The following CACNG8 variants were observed in gnomAD, a reference collection of about 807,000 sequenced individuals.
The protein encoded by CACNG8 is voltage-dependent calcium channel gamma-8 subunit.
Under a neutral mutation model 26.9 loss-of-function variants are expected in CACNG8, and 5 were observed. The ratio of observed to expected loss-of-function variants is 0.19; its 90% CI spans 0.10 to 0.39. The LOEUF is 0.39. Ranked by LOEUF, CACNG8 falls within the 10% of genes least tolerant of loss-of-function variation. CACNG8 has a pLI of 1.00. For missense variants in CACNG8, 473 were observed against 609.4 expected (o/e 0.78, Z 2.36); for synonymous variants, 321 against 296.7 (o/e 1.08, Z -0.84).
chr19:53,986,413 A>G lies in CACNG8; in HGVS notation c.*3564A>G, dbSNP rs2069408428. The G allele has an allele frequency of 6.6e-6, 1 of 152,206 alleles. No individual in the cohort carries two copies. Among genetic ancestry groups the G allele is most frequent in the African/African-American group, 2.4e-5 (1 of 41,448 alleles). The allele number at this position is 152,206 out of a possible 1,614,324, so 9.4% of individuals were successfully genotyped here. A position where few individuals can be genotyped will look rare whatever the true frequency, so the allele number is the denominator to read the frequency against. On this transcript the variant is annotated 3_prime_UTR_variant, in exon 4 of 4. Coordinates refer to ENST00000270458, the MANE Select transcript of CACNG8 (RefSeq NM_031895.6). Reference sequence around the variant, plus strand: ...ACACTGGAGAGATAAACAATAAATAATATCATTTCAGTAACCAAAAAGTGC... The same window carrying G: ...ACACTGGAGAGATAAACAATAAATAGTATCATTTCAGTAACCAAAAAGTGC...
rs1207923728 is a variant in CACNG8, at chr19:53,982,770, C to T, written c.1199C>T (p.Ala400Val). 84 of 1,273,390 alleles carry T rather than the reference C, an allele frequency of 6.6e-5. No individual in the cohort carries two copies. Among genetic ancestry groups the T allele is most frequent in the Non-Finnish European group, 8.0e-5 (81 of 1,008,514 alleles). The allele number at this position is 1,273,390 out of a possible 1,614,324, so 78.9% of individuals were successfully genotyped here. Reference sequence around the variant, plus strand: ...GCGCCCGCGCCACCCGCGCCCTCTGCGCCCGCCCCCGGGACCCTGGCCAAG... The same window carrying T: ...GCGCCCGCGCCACCCGCGCCCTCTGTGCCCGCCCCCGGGACCCTGGCCAAG... The change falls in exon 4 of 4, where the codon GCG (alanine) becomes GTG (valine). Residue 400 changes from alanine (A) to valine (V), a missense_variant. Around this residue, in one of 6 missense-constraint regions of CACNG8, gnomAD observed 212 missense variants for 214.4 expected, o/e 0.99. Coordinates refer to ENST00000270458, the MANE Select transcript of CACNG8 (RefSeq NM_031895.6). The surrounding 1 kb of genome is among the most constrained non-coding windows in gnomAD (Gnocchi z 8.4).
At chr19:53,968,951 T>G (rs1207133737) in intron 1 of CACNG8, among the ~76,000 whole-genome samples, 1 of 152,010 alleles carries the variant, frequency 6.6e-6, no homozygotes, top group East Asian at 1.9e-4. Flanking sequence ...GTCATTCATT[T>G]GTCACTGAAT....
Position 53,982,926 on chromosome 19 carries a change from G to T in CACNG8, c.*77G>T. On this transcript the variant is annotated 3_prime_UTR_variant, in exon 4 of 4. Transcript: ENST00000270458. The surrounding 1 kb of genome is among the most constrained non-coding windows in gnomAD (Gnocchi z 8.4). ...CGTGCATCGAGGCTGCCGGGGTCGG[G>T]GGCGCCCCCGCTTTCCCCCGTGAGC... The T allele has an allele frequency of 9.7e-7, 1 of 1,027,446 alleles. No homozygotes were observed. Among genetic ancestry groups the T allele is most frequent in the South Asian group, 4.0e-5 (1 of 25,056 alleles). The allele number at this position is 1,027,446 out of a possible 1,614,324, so 63.6% of individuals were successfully genotyped here. A position where few individuals can be genotyped will look rare whatever the true frequency, so the allele number is the denominator to read the frequency against.
chr19:53,974,131 C>T (rs186258862), intron 1 of CACNG8, among the ~76,000 whole-genome samples: 24 of 152,292 alleles, frequency 1.6e-4, no homozygotes, highest in Admixed American at 8.5e-4. Flanking sequence ...ACCCTCCAGC[C>T]CTGGCAACTA....
chr19:53,969,106 C>T (rs8101194), intron 1 of CACNG8, among the ~76,000 whole-genome samples: 28 of 152,202 alleles, frequency 1.8e-4, no homozygotes, highest in Non-Finnish European at 3.4e-4. Flanking sequence ...CGGGTTCAAG[C>T]AATTCTCCCG....
intron 1 of CACNG8, among the ~76,000 whole-genome samples, chr19:53,975,025 T>C (rs79183883): frequency 0.045 from 6,850 of 151,374 alleles, 405 homozygotes; most frequent in East Asian, 0.23. Flanking sequence ...CTTGGCTCAC[T>C]GCAACCTCCA....
In CACNG8 at chr19:53,982,955, C is replaced by A; in HGVS notation, c.*106C>A. On this transcript the variant is annotated 3_prime_UTR_variant, in exon 4 of 4. Coordinates refer to ENST00000270458, the MANE Select transcript of CACNG8 (RefSeq NM_031895.6). This position sits in a 1 kb window ranked among gnomAD's most constrained non-coding sequence, Gnocchi z 8.4. ...GCCCCCGCTTTCCCCCGTGAGCGCG[C>A]TGGAGACTGCTGGGCCCGCCCCACG... is the stretch of plus-strand genomic sequence containing the variant. The A allele has an allele frequency of 2.9e-6, 2 of 699,288 alleles. No homozygotes were observed. The highest frequency in any genetic ancestry group is 3.8e-6 in the Non-Finnish European group (2 of 527,526). The allele number at this position is 699,288 out of a possible 1,614,324, so 43.3% of individuals were successfully genotyped here.
intron 1 of CACNG8, among the ~76,000 whole-genome samples, chr19:53,975,534 C>G (rs187858606): frequency 6.6e-6 from 1 of 152,244 alleles, no homozygotes; most frequent in East Asian, 1.9e-4. Flanking sequence ...CGTATGCCCC[C>G]ACACCCGGCT....
chr19:53,963,310 C>A lies in CACNG8; in HGVS notation c.168C>A (p.Asn56Lys). The A allele has an allele frequency of 6.2e-7, 1 of 1,606,426 alleles. No homozygotes were observed. Among genetic ancestry groups the A allele is most frequent in the Non-Finnish European group, 8.5e-7 (1 of 1,178,796 alleles). ...GCGCCCTCATCTGCAACACCACCAA[C>A]CTCACGGCCGGCGGCGACGACGGGA... Residue 56 changes from asparagine to lysine, a missense_variant, in exon 1 of 4, where the codon AAC becomes AAA. By Grantham distance (94) the Asn-to-Lys change is moderately conservative. Around this residue, in one of 6 missense-constraint regions of CACNG8, gnomAD observed 69 missense variants for 66.7 expected, o/e 1.03. Transcript: ENST00000270458.
At chr19:53,966,103 A>T (rs2069271249) in intron 1 of CACNG8, among the ~76,000 whole-genome samples, 2 of 151,860 alleles carry the variant, frequency 1.3e-5, no homozygotes, top group Admixed American at 1.3e-4. Flanking sequence ...TTATTTATTT[A>T]TTGAAACAGA....
chr19:53,963,318 C>CCGG lies in CACNG8; in HGVS notation c.182_184dup (p.Gly61dup). The CCGG allele has an allele frequency of 6.2e-7, 1 of 1,604,092 alleles. No individual in the cohort carries two copies. The highest frequency in any genetic ancestry group is 8.5e-7 in the Non-Finnish European group (1 of 1,178,326). On this transcript the variant is annotated inframe_insertion, in exon 1 of 4. Transcript: ENST00000270458. ...ATCTGCAACACCACCAACCTCACGGCCGGCGGCGACGACGGGACCCCCCAC... is the reference window on the plus strand; with the variant it reads ...ATCTGCAACACCACCAACCTCACGGCCGGCGGCGGCGACGACGGGACCCCCCAC...
At chr19:53,967,672 T>C (rs1361174656) in intron 1 of CACNG8, among the ~76,000 whole-genome samples, 1 of 151,828 alleles carries the variant, frequency 6.6e-6, no homozygotes, top group Non-Finnish European at 1.5e-5. Context: ...TGGTCTCCAC[T>C]AAAAATACGA....
chr19:53,987,526 G>A lies in CACNG8; in HGVS notation c.*4677G>A, dbSNP rs2069414744. The A allele has an allele frequency of 6.5e-6, 1 of 152,734 alleles. No homozygotes were observed. Among genetic ancestry groups the A allele is most frequent in the South Asian group, 2.1e-4 (1 of 4,832 alleles). 9.5% of individuals were successfully genotyped at this position (152,734 alleles called of 1,614,324 possible). A position where few individuals can be genotyped will look rare whatever the true frequency, so the allele number is the denominator to read the frequency against. The stretch of plus-strand genomic sequence containing the variant: ...AGGTGGAGTTAGTGGGATGGAGGAA[G>A]TGGAAGAAGGCATGGGATTTTGGAG... On this transcript the variant is annotated 3_prime_UTR_variant, in exon 4 of 4. Transcript: ENST00000270458.
rs1248381760 is a variant in CACNG8 at position 53,983,077 on chromosome 19, T to G, written c.*228T>G. The stretch of plus-strand genomic sequence containing the variant: ...GCTGTGAGGGAGCGTCGTGTTTTAT[T>G]TTTTTGGGGGATCTATGGGGAGGGG... On this transcript the variant is annotated 3_prime_UTR_variant, in exon 4 of 4. Coordinates refer to ENST00000270458, the MANE Select transcript of CACNG8 (RefSeq NM_031895.6). 5.1e-5 allele frequency: 9 copies of G among 177,430 alleles called. No individual in the cohort carries two copies. Among genetic ancestry groups the G allele is most frequent in the Non-Finnish European group, 1.0e-4 (9 of 88,584 alleles). 11.0% of individuals were successfully genotyped at this position (177,430 alleles called of 1,614,324 possible). A position where few individuals can be genotyped will look rare whatever the true frequency, so the allele number is the denominator to read the frequency against.
At chr19:53,975,563 A>G (rs2069326313) in intron 1 of CACNG8, among the ~76,000 whole-genome samples, 1 of 151,982 alleles carries the variant, frequency 6.6e-6, no homozygotes, top group African/African-American at 2.4e-5. Flanking sequence ...TATTTTTAGT[A>G]GTGATGGGGT....
At position 53,963,086 on chromosome 19, in the gene CACNG8, G is replaced by GCCCCGC; in HGVS notation, c.-50_-45dup. 1.6e-6 allele frequency: 2 copies of GCCCCGC among 1,265,154 alleles called. No individual in the cohort carries two copies. Among genetic ancestry groups the GCCCCGC allele is most frequent in the Non-Finnish European group, 2.1e-6 (2 of 970,582 alleles). The allele number at this position is 1,265,154 out of a possible 1,614,324, so 78.4% of individuals were successfully genotyped here. A position where few individuals can be genotyped will look rare whatever the true frequency, so the allele number is the denominator to read the frequency against. On this transcript the variant is annotated 5_prime_UTR_variant, in exon 1 of 4. Coordinates refer to ENST00000270458, the MANE Select transcript of CACNG8 (RefSeq NM_031895.6). ...GAACCCCCCCCCAGCCGCCGGCACG[G>GCCCCGC]CCCCGCCCCCGCTGCCCCGGTGGTG...
Position 53,963,080 on chromosome 19 carries a change from G to T in CACNG8, c.-63G>T. ...CGCTGTGAACCCCCCCCCAGCCGCC[G>T]GCACGGCCCCGCCCCCGCTGCCCCG... On this transcript the variant is annotated 5_prime_UTR_variant, in exon 1 of 4. Coordinates refer to ENST00000270458, the MANE Select transcript of CACNG8 (RefSeq NM_031895.6). 2.4e-6 allele frequency: 2 copies of T among 846,760 alleles called. No homozygotes were observed. The highest frequency in any genetic ancestry group is 3.1e-5 in the South Asian group (1 of 31,872). The allele number at this position is 846,760 out of a possible 1,614,324, so 52.5% of individuals were successfully genotyped here.
chr19:53,963,307 C>T lies in CACNG8; in HGVS notation c.165C>T (p.Thr55=), dbSNP rs1266794799. Residue 55 remains threonine, a synonymous_variant, in exon 1 of 4, where the codon ACC becomes ACT. Coordinates refer to ENST00000270458, the MANE Select transcript of CACNG8 (RefSeq NM_031895.6). ...CGCGCGCCCTCATCTGCAACACCACCAACCTCACGGCCGGCGGCGACGACG... is the reference window on the plus strand; with the variant it reads ...CGCGCGCCCTCATCTGCAACACCACTAACCTCACGGCCGGCGGCGACGACG... 3 of 1,607,258 alleles carry T rather than the reference C, an allele frequency of 1.9e-6. No individual in the cohort carries two copies. The highest frequency in any genetic ancestry group is 2.5e-6 in the Non-Finnish European group (3 of 1,179,016).
intron 3 of CACNG8, among the ~76,000 whole-genome samples, chr19:53,980,573 G>A (rs2069360587): frequency 6.6e-6 from 1 of 152,272 alleles, no homozygotes; most frequent in Non-Finnish European, 1.5e-5. Context: ...ATCGGCCCTT[G>A]CCCGTGGCCA....
Sources: gnomAD v4.1 joint callset for allele counts (sites outside exome capture counted in the v4.1 genomes callset) on GRCh38, gnomAD v4.1.1 for gene constraint, gnomAD v4.1.1 regional missense constraint, Gnocchi (gnomAD v3.1) non-coding constraint, MANE v1.5 for transcripts, NCBI Gene and HGNC (gene_info 2026-07-23, HGNC 2026-07-21) for gene names.